The following NSL1 variants were observed in gnomAD, a reference collection of about 807,000 sequenced individuals.
NSL1 encodes kinetochore-associated protein NSL1 homolog.
NSL1 carries 11 observed loss-of-function variants against 25.4 expected under a neutral mutation model. That is an observed-to-expected ratio of 0.43 (90% CI 0.27 to 0.72). The LOEUF is 0.72. NSL1 is among the 30% of genes least tolerant of loss of function. NSL1 has a pLI of 0.19. For synonymous variants in NSL1, 118 were observed against 120.6 expected (o/e 0.98, Z 0.14); for missense variants, 330 against 342.7 (o/e 0.96, Z 0.29).
At chr1:212,755,524 T>C (rs1659263197) in intron 4 of NSL1, among the ~76,000 whole-genome samples, 1 of 151,730 alleles carries the variant, frequency 6.6e-6, no homozygotes, top group African/African-American at 2.4e-5. Flanking sequence ...TTGAACTATG[T>C]TACATGTTGA....
intron 4 of NSL1, among the ~76,000 whole-genome samples, chr1:212,767,508 A>C (rs887933259): frequency 1.3e-5 from 2 of 152,238 alleles, no homozygotes; most frequent in South Asian, 4.1e-4. Context: ...ACATTGGCTT[A>C]GGCAAAGAAT....
At chr1:212,791,358 G>A (rs1311822542) in intron 1 of NSL1, among the ~76,000 whole-genome samples, 172 bp downstream of exon 1, 4 of 152,196 alleles carry the variant, frequency 2.6e-5, no homozygotes, top group African/African-American at 9.7e-5. Flanking sequence ...ATAAGACCCA[G>A]CTGACATTAG....
rs970251306 is a variant in NSL1 at position 212,738,104 on chromosome 1, C to T, written c.*304G>A. On this transcript the variant is annotated 3_prime_UTR_variant, in exon 6 of 6. Coordinates refer to ENST00000366977, the MANE Select transcript of NSL1 (RefSeq NM_015471.4). ...TACTTGTTAAATCCCACAAAAGCTA[C>T]AAGGGAGCTGAGAGTTGATGGCACT... 9.6e-6 allele frequency: 10 copies of T among 1,036,348 alleles called. No individual in the cohort carries two copies. Among genetic ancestry groups the T allele is most frequent in the African/African-American group, 3.4e-5 (2 of 58,542 alleles). 64.2% of individuals were successfully genotyped at this position (1,036,348 alleles called of 1,614,324 possible).
intron 4 of NSL1, among the ~76,000 whole-genome samples, chr1:212,768,319 C>CAAAAAA (rs34528216): frequency 4.9e-4 from 34 of 68,878 alleles, no homozygotes; most frequent in Admixed American, 8.3e-4. Context: ...GACTCCGTCT[C>CAAAAAA]AAAAAAAAAA....
rs149472232 is a variant in NSL1, at chr1:212,745,963, C to T, written c.500-6362G>A. On this transcript the variant is annotated intron_variant, in intron 4 of 5. Coordinates refer to ENST00000366977, the MANE Select transcript of NSL1 (RefSeq NM_015471.4). ...CCTGAATGACAGAGTAAGACCCCAT[C>T]TCAAAAACAAACAAACAAACAAACA... Among the ~76,000 whole-genome samples the T allele has an allele frequency of 6.1e-3, 930 of 152,136 alleles. 7 individuals are homozygous for T. The highest frequency in any genetic ancestry group is 0.031 in the Middle Eastern group (9 of 294).
intron 4 of NSL1, among the ~76,000 whole-genome samples, chr1:212,777,908 T>A (rs1474612325): frequency 6.6e-6 from 1 of 152,214 alleles, no homozygotes; most frequent in East Asian, 1.9e-4. Flanking sequence ...CACACTGCCC[T>A]ATGTATGCAG....
At chr1:212,790,376 G>A (rs1216597692) in intron 1 of NSL1, among the ~76,000 whole-genome samples, 2 of 152,002 alleles carry the variant, frequency 1.3e-5, no homozygotes, top group African/African-American at 4.8e-5. Context: ...GACTAAAATA[G>A]GTTAAAAAAA....
At chr1:212,768,341 A>C (rs1317606816) in intron 4 of NSL1, among the ~76,000 whole-genome samples, 1 of 151,470 alleles carries the variant, frequency 6.6e-6, no homozygotes, top group Non-Finnish European at 1.5e-5. Context: ...AAAAAAAAAA[A>C]AAACTAAAAG....
At chr1:212,744,645 G>C (rs1658673593) in intron 4 of NSL1, among the ~76,000 whole-genome samples, 2 of 152,030 alleles carry the variant, frequency 1.3e-5, no homozygotes, top group South Asian at 4.1e-4. Context: ...ACCGAACAGA[G>C]AATACCAATG....
intron 4 of NSL1, among the ~76,000 whole-genome samples, chr1:212,762,539 A>G (rs1659624026): frequency 6.6e-6 from 1 of 152,078 alleles, no homozygotes; most frequent in African/African-American, 2.4e-5. Flanking sequence ...TTTTTCCAAG[A>G]ACCACCACAG....
rs916875590 is a variant in NSL1, at chr1:212,737,236, T to C, written c.*1172A>G. 1.0e-6 allele frequency: 1 copy of C among 985,298 alleles called. No homozygotes were observed. The highest frequency in any genetic ancestry group is 1.2e-6 in the Non-Finnish European group (1 of 829,898). The allele number at this position is 985,298 out of a possible 1,614,324, so 61.0% of individuals were successfully genotyped here. A position where few individuals can be genotyped will look rare whatever the true frequency, so the allele number is the denominator to read the frequency against. ...ATATACAGATCTCAAACTGTAACAC[T>C]GAAACACAAAATGCAACAAAGTGGC... On this transcript the variant is annotated 3_prime_UTR_variant, in exon 6 of 6. Transcript: ENST00000366977.
Position 212,735,261 on chromosome 1 carries a change from G to A in NSL1, c.*3147C>T. 1.0e-6 allele frequency: 1 copy of A among 960,714 alleles called. No individual in the cohort carries two copies. The allele number at this position is 960,714 out of a possible 1,614,324, so 59.5% of individuals were successfully genotyped here. On this transcript the variant is annotated 3_prime_UTR_variant, in exon 6 of 6. Transcript: ENST00000366977. ...ATGGTAGAACTGAAATCTGAACTCA[G>A]ATGATCTGGCTTAGAGGCTGTGCTC... is the stretch of plus-strand genomic sequence containing the variant.
At chr1:212,789,083 A>G (rs375145846) in intron 1 of NSL1, among the ~76,000 whole-genome samples, 1 of 152,318 alleles carries the variant, frequency 6.6e-6, no homozygotes, top group East Asian at 1.9e-4. Flanking sequence ...TTTTATGAGC[A>G]TATATTTTGT....
chr1:212,735,314 A>T lies in NSL1; in HGVS notation c.*3094T>A. ...AAGATCTCTGACTTTTGATCCGAGT[A>T]GGTGTCCAACTGTATGTGTTGAACA... On this transcript the variant is annotated 3_prime_UTR_variant, in exon 6 of 6. Transcript: ENST00000366977. 1.0e-6 allele frequency: 1 copy of T among 985,430 alleles called. No homozygotes were observed. 61.0% of individuals were successfully genotyped at this position (985,430 alleles called of 1,614,324 possible).
At chr1:212,777,280 G>A (rs1157265714) in intron 4 of NSL1, among the ~76,000 whole-genome samples, 2 of 152,028 alleles carry the variant, frequency 1.3e-5, no homozygotes, top group Non-Finnish European at 1.5e-5. Context: ...AGGAGGTTGA[G>A]GCTGGAAGAT....
chr1:212,782,706 C>A (rs1305622633), intron 3 of NSL1, among the ~76,000 whole-genome samples: 4 of 152,114 alleles, frequency 2.6e-5, no homozygotes, highest in Non-Finnish European at 5.9e-5. Context: ...AGCATAGAAA[C>A]TGAATTTTAT....
chr1:212,739,632 G>C, intron 4 of NSL1, 31 bp from the exon 5 acceptor site: 1 of 1,604,848 alleles, frequency 6.2e-7, no homozygotes, highest in South Asian at 1.1e-5. Flanking sequence ...AGTATTTTAG[G>C]TTTTTATCTA....
chr1:212,733,433 CAAAA>C lies in NSL1; in HGVS notation c.*4971_*4974del, dbSNP rs140675222. On this transcript the variant is annotated 3_prime_UTR_variant, in exon 6 of 6. Transcript: ENST00000366977. ...GGCAACACAGCAAGACCTTGTTTCA[CAAAA>C]AAAAAAAAAAAAAAATCCCATACCC... 0.21 allele frequency among the ~76,000 whole-genome samples: 28,736 copies of C among 135,904 alleles called. 3,490 individuals carry two copies. Among genetic ancestry groups the C allele is most frequent in the African/African-American group, 0.37 (13,892 of 37,276 alleles). 89.2% of individuals were successfully genotyped at this position (135,904 alleles called of 152,430 possible).
In NSL1 at chr1:212,731,778, G is replaced by C. The variant is rs1000308681; in HGVS notation, c.*6630C>G. Reference sequence around the variant, plus strand: ...TCCCCACTGCCATGTCAAAGCTGGTGTTCAGACAGTCACACTGTTACAAAC... The same window carrying C: ...TCCCCACTGCCATGTCAAAGCTGGTCTTCAGACAGTCACACTGTTACAAAC... On this transcript the variant is annotated 3_prime_UTR_variant, in exon 6 of 6. Coordinates refer to ENST00000366977, the MANE Select transcript of NSL1 (RefSeq NM_015471.4). 13 of 985,298 alleles carry C rather than the reference G, an allele frequency of 1.3e-5. No individual in the cohort carries two copies. In the African/African-American group the frequency reaches 2.3e-4, roughly 17 times the overall value. The allele number at this position is 985,298 out of a possible 1,614,324, so 61.0% of individuals were successfully genotyped here.
Sources: allele counts gnomAD v4.1 joint callset (sites outside exome capture counted in the v4.1 genomes callset), GRCh38; gene constraint gnomAD v4.1.1; transcripts MANE v1.5; gene names NCBI Gene and HGNC (gene_info 2026-07-23, HGNC 2026-07-21).